PDZRN4: variants seen among roughly 807,000 people sequenced by gnomAD.
PDZRN4 encodes the protein PDZ domain-containing RING finger protein 4.
A neutral mutation model predicts 99.0 loss-of-function variants in PDZRN4; 70 were observed. The ratio of observed to expected loss-of-function variants is 0.71; its 90% CI spans 0.58 to 0.86. The LOEUF (loss-of-function observed/expected upper bound fraction) is 0.86. PDZRN4 is among the 40% of genes least tolerant of loss of function. The pLI, the probability that PDZRN4 is intolerant of heterozygous loss-of-function variation, is 0.00. For synonymous variants in PDZRN4, 551 were observed against 501.6 expected, an observed-to-expected ratio of 1.10 and a Z score of -1.32; for missense variants, 1,474 against 1,331.2, an observed-to-expected ratio of 1.11 and a Z score of -1.67.
At chr12:41,489,672 AG>A (rs1937846216) in intron 3 of PDZRN4, among the ~76,000 whole-genome samples, 1 of 112,028 alleles carries the variant, frequency 8.9e-6, no homozygotes, top group Non-Finnish European at 1.8e-5. Context: ...TGAGATTTCC[AG>A]GTTTTTTTTT....
At chr12:41,304,335 C>T (rs7978916) in intron 3 of PDZRN4, among the ~76,000 whole-genome samples, 140,461 of 152,134 alleles carry the variant, frequency 0.92, 65,205 homozygotes, top group Middle Eastern at 0.97. Flanking sequence ...TCTTCCTTGA[C>T]TTAGTGCTTA....
At chr12:41,353,922 A>G (rs1048531270) in intron 3 of PDZRN4, among the ~76,000 whole-genome samples, 1 of 152,048 alleles carries the variant, frequency 6.6e-6, no homozygotes, top group Non-Finnish European at 1.5e-5. Context: ...AATTTACAGG[A>G]ATTATCCCAA....
At chr12:41,560,035 A>T (rs1219394274) in intron 7 of PDZRN4, among the ~76,000 whole-genome samples, 3 of 152,056 alleles carry the variant, frequency 2.0e-5, no homozygotes, top group Non-Finnish European at 4.4e-5. Context: ...AGTCTCAGGT[A>T]TTTCTTTATA....
intron 3 of PDZRN4, among the ~76,000 whole-genome samples, chr12:41,347,471 A>G (rs1245146166): frequency 6.6e-6 from 1 of 152,130 alleles, no homozygotes; most frequent in Non-Finnish European, 1.5e-5. Flanking sequence ...TCAAATCCTT[A>G]GCCTACTTTT....
In PDZRN4 at chr12:41,436,920, T is replaced by G. The variant is rs74078848; in HGVS notation, c.844-69536T>G. Among the ~76,000 whole-genome samples, 597 of 152,300 alleles carry G rather than the reference T, an allele frequency of 3.9e-3. 2 individuals are homozygous for G. Among genetic ancestry groups the G allele is most frequent in the African/African-American group, 0.014 (579 of 41,560 alleles). ...TGTAAAATATTATATATGACTTTAATAAAATTAGCATAAATACTATAAGCA... is the reference window on the plus strand; with the variant it reads ...TGTAAAATATTATATATGACTTTAAGAAAATTAGCATAAATACTATAAGCA... On this transcript the variant is annotated intron_variant, in intron 3 of 9. Transcript: ENST00000402685.
At chr12:41,392,521 C>T (rs538595749) in intron 3 of PDZRN4, among the ~76,000 whole-genome samples, 2 of 152,248 alleles carry the variant, frequency 1.3e-5, no homozygotes, top group South Asian at 2.1e-4. Flanking sequence ...CTAGAAGGCT[C>T]CATATTACCA....
At position 41,343,588 on chromosome 12, in the gene PDZRN4, T is replaced by C. The variant is rs188381815; in HGVS notation, c.843+149400T>C. ...TTTACCAGAGACTGGAGAGGGGAAG[T>C]GGGGGAGGGGAGGATAGAGAGAGTT... On this transcript the variant is annotated intron_variant, in intron 3 of 9. Coordinates refer to ENST00000402685, the MANE Select transcript of PDZRN4 (RefSeq NM_001164595.2). Among the ~76,000 whole-genome samples, 347 of 142,218 alleles carry C rather than the reference T, an allele frequency of 2.4e-3. 1 individual carries two copies. The highest frequency in any genetic ancestry group is 8.7e-3 in the African/African-American group (334 of 38,224). The allele number at this position is 142,218 out of a possible 152,430, so 93.3% of individuals were successfully genotyped here. A position where few individuals can be genotyped will look rare whatever the true frequency, so the allele number is the denominator to read the frequency against.
chr12:41,494,862 T>G (rs1937964120), intron 3 of PDZRN4, among the ~76,000 whole-genome samples: 1 of 152,160 alleles, frequency 6.6e-6, no homozygotes, highest in African/African-American at 2.4e-5. Context: ...AGCCACCTGC[T>G]TCTCCTAGGA....
chr12:41,517,759 A>G (rs774970053), intron 5 of PDZRN4, among the ~76,000 whole-genome samples: 15 of 152,060 alleles, frequency 9.9e-5, no homozygotes, highest in Non-Finnish European at 2.1e-4. Flanking sequence ...TTTTACGAGT[A>G]TTCTAACAGT....
intron 5 of PDZRN4, among the ~76,000 whole-genome samples, chr12:41,534,174 A>C (rs1938710276): frequency 6.6e-6 from 1 of 152,186 alleles, no homozygotes; most frequent in Admixed American, 6.5e-5. Flanking sequence ...ACTCATTATA[A>C]GTTGCTATAT....
intron 4 of PDZRN4, among the ~76,000 whole-genome samples, chr12:41,507,586 T>C (rs1440900186): frequency 5.3e-5 from 8 of 152,088 alleles, no homozygotes; most frequent in Non-Finnish European, 1.2e-4. Flanking sequence ...AGATGTACAA[T>C]AGAATCACCT....
chr12:41,312,111 A>T (rs1951610661), intron 3 of PDZRN4, among the ~76,000 whole-genome samples: 1 of 152,114 alleles, frequency 6.6e-6, no homozygotes, highest in African/African-American at 2.4e-5. Context: ...CTAAAACTTA[A>T]ATAGTATTAC....
chr12:41,534,805 T>A (rs1228311050), intron 5 of PDZRN4, among the ~76,000 whole-genome samples: 1 of 152,194 alleles, frequency 6.6e-6, no homozygotes, highest in Non-Finnish European at 1.5e-5. Context: ...ATAATATAAA[T>A]ACAATACATA....
chr12:41,507,671 T>C (rs1938231436), intron 4 of PDZRN4, among the ~76,000 whole-genome samples: 1 of 152,140 alleles, frequency 6.6e-6, no homozygotes, highest in South Asian at 2.1e-4. Flanking sequence ...AGAGTAAGGC[T>C]TAGGCATCAG....
At chr12:41,327,859 T>A (rs533783614) in intron 3 of PDZRN4, among the ~76,000 whole-genome samples, 168 of 152,242 alleles carry the variant, frequency 1.1e-3, no homozygotes, top group African/African-American at 3.4e-3. Context: ...CAGCTATAAC[T>A]ATAAATGTGA....
At chr12:41,340,412 A>G (rs1951807366) in intron 3 of PDZRN4, among the ~76,000 whole-genome samples, 1 of 151,952 alleles carries the variant, frequency 6.6e-6, no homozygotes. Context: ...GAGTAGAATA[A>G]TGGTTACCAG....
At chr12:41,346,831 C>T (rs905716090) in intron 3 of PDZRN4, among the ~76,000 whole-genome samples, 2 of 152,144 alleles carry the variant, frequency 1.3e-5, no homozygotes, top group East Asian at 3.9e-4. Flanking sequence ...CCTCTAACCT[C>T]TCACTAATAT....
At chr12:41,426,005 T>C (rs2120422802) in intron 3 of PDZRN4, among the ~76,000 whole-genome samples, 1 of 152,316 alleles carries the variant, frequency 6.6e-6, no homozygotes, top group Non-Finnish European at 1.5e-5. Flanking sequence ...AAAGTAGTGA[T>C]GATAAAGCAC....
intron 3 of PDZRN4, among the ~76,000 whole-genome samples, chr12:41,264,250 T>C (rs370600772): frequency 6.6e-6 from 1 of 152,180 alleles, no homozygotes; most frequent in Non-Finnish European, 1.5e-5. Flanking sequence ...CAAGTGACTT[T>C]GGCTTTATGA....
Sources: allele counts gnomAD v4.1 joint callset (sites outside exome capture counted in the v4.1 genomes callset), GRCh38; gene constraint gnomAD v4.1.1; transcripts MANE v1.5; gene names NCBI Gene and HGNC (gene_info 2026-07-23, HGNC 2026-07-21).